The following BMPER variants were observed in gnomAD, a reference collection of about 807,000 sequenced individuals.
BMPER encodes the protein BMP binding endothelial regulator.
In BMPER, 45 loss-of-function variants were observed where a neutral mutation model predicts 87.3. The ratio of observed to expected loss-of-function variants is 0.52; its 90% CI spans 0.41 to 0.66. The LOEUF is 0.66. BMPER is among the 30% of genes least tolerant of loss of function. The probability of loss-of-function intolerance (pLI) is 0.00; values close to 1 mark genes in which losing one functional copy is unlikely to be tolerated. For missense variants in BMPER, 784 were observed against 867.5 expected, an observed-to-expected ratio of 0.90 and a Z score of 1.21; for synonymous variants, 326 against 316.2, an observed-to-expected ratio of 1.03 and a Z score of -0.33.
At chr7:34,031,090 C>T (rs1787506717) in intron 6 of BMPER, among the ~76,000 whole-genome samples, 1 of 152,056 alleles carries the variant, frequency 6.6e-6, no homozygotes, top group Non-Finnish European at 1.5e-5. Context: ...ATTCTGTGTG[C>T]AAAAGTCACA....
intron 3 of BMPER, among the ~76,000 whole-genome samples, chr7:33,947,506 A>C (rs1269264945): frequency 6.6e-6 from 1 of 152,092 alleles, no homozygotes; most frequent in Non-Finnish European, 1.5e-5. Flanking sequence ...TTATGATCCC[A>C]TGGGTTGCAT....
intron 13 of BMPER, among the ~76,000 whole-genome samples, chr7:34,121,094 A>G: frequency 6.6e-6 from 1 of 151,852 alleles, no homozygotes; most frequent in East Asian, 1.9e-4. Flanking sequence ...TATTTAATGT[A>G]TTATGTTACT....
chr7:33,982,312 A>T (rs1785885006), intron 6 of BMPER, among the ~76,000 whole-genome samples: 1 of 152,174 alleles, frequency 6.6e-6, no homozygotes, highest in Non-Finnish European at 1.5e-5. Context: ...ATTTGGCTAC[A>T]TCTGGGCAAT....
intron 13 of BMPER, among the ~76,000 whole-genome samples, chr7:34,137,663 G>C (rs1221466606): frequency 6.6e-6 from 1 of 152,218 alleles, no homozygotes; most frequent in East Asian, 1.9e-4. Context: ...TTTGAATTAA[G>C]TCTTAAAGGA....
At chr7:33,917,743 T>G (rs1784120167) in intron 2 of BMPER, among the ~76,000 whole-genome samples, 1 of 152,234 alleles carries the variant, frequency 6.6e-6, no homozygotes, top group Non-Finnish European at 1.5e-5. Flanking sequence ...ACAACTCTTG[T>G]ATGCTTGGTC....
rs1047593844 is a variant in BMPER at position 34,143,348 on chromosome 7, C to A, written c.1864C>A (p.Gln622Lys). The change falls in exon 14 of 15, where the codon CAG (glutamine) becomes AAG (lysine). Residue 622 changes from glutamine to lysine, a missense_variant. Gln to Lys is a moderately conservative substitution (Grantham distance 53). Coordinates refer to ENST00000649409, the MANE Select transcript of BMPER (RefSeq NM_001365308.1). ...EGIKVHWEPQ[Q>K]NCAATQCKHG... The stretch of plus-strand genomic sequence containing the variant: ...CATCAAAGTCCACTGGGAGCCTCAG[C>A]AGAATTGTGCAGGTAAGAAAGTCCT... 6.2e-7 allele frequency: 1 copy of A among 1,613,810 alleles called. No homozygotes were observed. Among genetic ancestry groups the A allele is most frequent in the African/African-American group, 1.3e-5 (1 of 74,912 alleles).
intron 2 of BMPER, among the ~76,000 whole-genome samples, chr7:33,931,983 C>T (rs1316158777): frequency 6.6e-6 from 1 of 152,184 alleles, no homozygotes; most frequent in Non-Finnish European, 1.5e-5. Flanking sequence ...TTATTTTCCC[C>T]AAGAGCTTGT....
At chr7:34,089,547 A>C (rs1789319932) in intron 13 of BMPER, among the ~76,000 whole-genome samples, 1 of 152,138 alleles carries the variant, frequency 6.6e-6, no homozygotes, top group South Asian at 2.1e-4. Flanking sequence ...GCAGTGGCGC[A>C]ATCTCGGCTC....
chr7:34,066,092 G>C (rs1011954067), intron 11 of BMPER, among the ~76,000 whole-genome samples: 1 of 152,176 alleles, frequency 6.6e-6, no homozygotes, highest in African/African-American at 2.4e-5. Flanking sequence ...TCTTAATCTT[G>C]GTAGTGTTTG....
At chr7:33,914,063 G>A (rs1352233230) in intron 2 of BMPER, among the ~76,000 whole-genome samples, 2 of 150,984 alleles carry the variant, frequency 1.3e-5, no homozygotes, top group Non-Finnish European at 2.9e-5. Context: ...CCGGGTTCGC[G>A]CCATTCTCCT....
At chr7:33,948,278 A>G (rs1342932833) in intron 3 of BMPER, among the ~76,000 whole-genome samples, 3 of 152,200 alleles carry the variant, frequency 2.0e-5, no homozygotes, top group African/African-American at 7.2e-5. Flanking sequence ...ACACTGTGAA[A>G]GATTTTAGAG....
intron 13 of BMPER, among the ~76,000 whole-genome samples, chr7:34,138,432 C>G (rs741306): frequency 0.066 from 10,000 of 152,216 alleles, 436 homozygotes; most frequent in Middle Eastern, 0.099. Context: ...TGTGACAAAG[C>G]GCTGCCCAGC....
chr7:34,039,363 C>G (rs1787771018), intron 6 of BMPER, among the ~76,000 whole-genome samples: 1 of 152,126 alleles, frequency 6.6e-6, no homozygotes, highest in Non-Finnish European at 1.5e-5. Context: ...GCCTAGTACT[C>G]TAGTTCTCAA....
intron 6 of BMPER, among the ~76,000 whole-genome samples, chr7:34,007,355 A>G (rs1317906571): frequency 6.6e-6 from 1 of 152,196 alleles, no homozygotes; most frequent in Non-Finnish European, 1.5e-5. Context: ...TCACATGCAC[A>G]TGTACATTCC....
chr7:34,072,621 A>G (rs1156893395), intron 11 of BMPER, among the ~76,000 whole-genome samples: 1 of 152,120 alleles, frequency 6.6e-6, no homozygotes, highest in Non-Finnish European at 1.5e-5. Context: ...AGAAGTGCCC[A>G]TCTTGAGACC....
At chr7:33,935,196 G>T (rs142225623) in intron 2 of BMPER, among the ~76,000 whole-genome samples, 2 of 152,152 alleles carry the variant, frequency 1.3e-5, no homozygotes, top group Non-Finnish European at 2.9e-5. Flanking sequence ...GAGAAAAGGG[G>T]GTGAGGGAAG....
At chr7:34,016,436 G>T (rs1787029036) in intron 6 of BMPER, among the ~76,000 whole-genome samples, 1 of 151,948 alleles carries the variant, frequency 6.6e-6, no homozygotes, top group African/African-American at 2.4e-5. Context: ...TCAGTAGTCT[G>T]AAATTTCCAA....
At chr7:33,997,553 A>G in intron 6 of BMPER, among the ~76,000 whole-genome samples, 1 of 152,088 alleles carries the variant, frequency 6.6e-6, no homozygotes, top group East Asian at 1.9e-4. Context: ...TTCTGCCATG[A>G]TTGTAGGTTT....
chr7:34,110,143 C>T (rs1164266941), intron 13 of BMPER, among the ~76,000 whole-genome samples: 6 of 152,180 alleles, frequency 3.9e-5, no homozygotes, highest in Admixed American at 6.5e-5. Context: ...CTTTGCTGGG[C>T]GTGTATCCAT....
Sources: gnomAD v4.1 joint callset for allele counts (sites outside exome capture counted in the v4.1 genomes callset) on GRCh38, gnomAD v4.1.1 for gene constraint, MANE v1.5 for transcripts, NCBI Gene and HGNC (gene_info 2026-07-23, HGNC 2026-07-21) for gene names.